The following GRID2 variants were observed in gnomAD, a reference collection of about 807,000 sequenced individuals.
GRID2 encodes glutamate ionotropic receptor delta type subunit 2.
Under a neutral mutation model 114.8 loss-of-function variants are expected in GRID2, and 33 were observed. That is an observed-to-expected ratio of 0.29 (90% CI 0.22 to 0.38). GRID2 has a LOEUF of 0.38. Ranked by LOEUF, GRID2 falls within the 10% of genes least tolerant of loss-of-function variation. The pLI, the probability that GRID2 is intolerant of heterozygous loss-of-function variation, is 1.00. For synonymous variants in GRID2, 505 were observed against 449.9 expected, an observed-to-expected ratio of 1.12 and a Z score of -1.55; for missense variants, 1,184 against 1,257.7, an observed-to-expected ratio of 0.94 and a Z score of 0.89.
At chr4:92,772,137 C>T (rs545515104) in intron 2 of GRID2, among the ~76,000 whole-genome samples, 2 of 152,234 alleles carry the variant, frequency 1.3e-5, no homozygotes, top group Admixed American at 1.3e-4. Context: ...TTTTCCAAAT[C>T]ATCTTTAATT....
intron 4 of GRID2, among the ~76,000 whole-genome samples, chr4:93,154,783 C>T (rs1012664269): frequency 1.6e-4 from 25 of 151,784 alleles, no homozygotes; most frequent in African/African-American, 5.8e-4. Context: ...ACACCACCAC[C>T]ACCACCACCA....
chr4:92,383,777 C>T (rs1729732008), intron 1 of GRID2, among the ~76,000 whole-genome samples: 3 of 151,786 alleles, frequency 2.0e-5, no homozygotes, highest in South Asian at 4.2e-4. Context: ...ATATAATATT[C>T]AATAGTCAAC....
At chr4:93,406,437 T>A (rs1223260841) in intron 9 of GRID2, among the ~76,000 whole-genome samples, 1 of 152,134 alleles carries the variant, frequency 6.6e-6, no homozygotes, top group East Asian at 1.9e-4. Context: ...TTATCTCATT[T>A]TTGAGATATG....
chr4:93,502,577 T>A (rs1271875705), intron 12 of GRID2, among the ~76,000 whole-genome samples: 2 of 151,964 alleles, frequency 1.3e-5, no homozygotes, highest in African/African-American at 4.8e-5. Context: ...CCAGTGATGT[T>A]GGTATGCTGC....
intron 1 of GRID2, among the ~76,000 whole-genome samples, chr4:92,420,142 G>A (rs1486396716): frequency 6.6e-6 from 1 of 152,102 alleles, no homozygotes; most frequent in Non-Finnish European, 1.5e-5. Context: ...TTTCCCTTTG[G>A]AGAATTCTGC....
chr4:93,402,032 A>G (rs182447436), intron 9 of GRID2, among the ~76,000 whole-genome samples: 1 of 152,174 alleles, frequency 6.6e-6, no homozygotes, highest in East Asian at 1.9e-4. Flanking sequence ...ATTTATATAC[A>G]TCAGCATGAA....
rs4693310 is a variant in GRID2 at position 93,247,376 on chromosome 4, G to A, written c.1245+8886G>A. On this transcript the variant is annotated intron_variant, in intron 8 of 15. Transcript: ENST00000282020. ...TGGGTAAAGATTACCTCACCCATAC[G>A]GATAGGCATCATCCAATCTGTTGGG... Among the ~76,000 whole-genome samples the A allele has an allele frequency of 7.0e-3, 1,064 of 152,140 alleles. 45 individuals are homozygous for A. The highest frequency in any genetic ancestry group is 0.053 in the Admixed American group (807 of 15,244).
intron 2 of GRID2, 78 bp downstream of exon 2, chr4:92,590,364 AACATGG>A (rs1728651639): frequency 1.0e-6 from 1 of 974,540 alleles, no homozygotes; most frequent in Non-Finnish European, 1.6e-6. Flanking sequence ...AAACTTATTA[AACATGG>A]ACATCATTTT....
chr4:92,818,109 T>G (rs1054300112), intron 2 of GRID2, among the ~76,000 whole-genome samples: 1 of 152,176 alleles, frequency 6.6e-6, no homozygotes, highest in Non-Finnish European at 1.5e-5. Flanking sequence ...CCACAACTGT[T>G]TCTGTTATCT....
At chr4:93,143,584 T>C (rs759414186) in intron 4 of GRID2, among the ~76,000 whole-genome samples, 7 of 152,214 alleles carry the variant, frequency 4.6e-5, no homozygotes, top group Non-Finnish European at 1.0e-4. Context: ...TGGTATAAGA[T>C]TGATTATTAC....
At position 93,224,657 on chromosome 4, in the gene GRID2, A is replaced by C; in HGVS notation, c.1007A>C (p.Asn336Thr). 6.2e-7 allele frequency: 1 copy of C among 1,611,578 alleles called. No individual in the cohort carries two copies. Among genetic ancestry groups the C allele is most frequent in the Non-Finnish European group, 8.5e-7 (1 of 1,178,048 alleles). Residue 336 changes from asparagine to threonine, a missense_variant, in exon 7 of 16, where the codon AAT becomes ACT. This residue lies in a region of GRID2 where 455 missense variants were observed against 429.5 expected (regional missense o/e 1.06). Transcript: ENST00000282020. ...TATGACACGGTGCTTCTGCTTGCTA[A>C]TGCTTTTCATAAGAAGCTGGAGGAC... The part of the protein sequence containing the change: ...YIYDTVLLLA[N>T]AFHKKLEDRK...
At chr4:93,525,545 C>T (rs534125460) in intron 13 of GRID2, among the ~76,000 whole-genome samples, 2 of 152,154 alleles carry the variant, frequency 1.3e-5, no homozygotes, top group South Asian at 4.2e-4. Context: ...ATCAGTTTCT[C>T]GATTGTGAAG....
At position 92,847,432 on chromosome 4, in the gene GRID2, C is replaced by A. The variant is rs149370713; in HGVS notation, c.245-237563C>A. Among the ~76,000 whole-genome samples, 444 of 152,152 alleles carry A rather than the reference C, an allele frequency of 2.9e-3. 1 individual carries two copies. The highest frequency in any genetic ancestry group is 0.01 in the African/African-American group (429 of 41,542). On this transcript the variant is annotated intron_variant, in intron 2 of 15. Coordinates refer to ENST00000282020, the MANE Select transcript of GRID2 (RefSeq NM_001510.4). ...AGCTGCTACATGATTTAAGTTATATCTCGCTGGCCTCTCTATCACTGTCTT... is the reference window on the plus strand; with the variant it reads ...AGCTGCTACATGATTTAAGTTATATATCGCTGGCCTCTCTATCACTGTCTT...
intron 1 of GRID2, among the ~76,000 whole-genome samples, chr4:92,442,775 T>A (rs1733182524): frequency 8.6e-5 from 13 of 152,042 alleles, no homozygotes; most frequent in Admixed American, 8.5e-4. Context: ...TTATATTTGA[T>A]GAAAAAGAGC....
At chr4:92,996,532 A>G (rs894836904) in intron 2 of GRID2, among the ~76,000 whole-genome samples, 1 of 152,120 alleles carries the variant, frequency 6.6e-6, no homozygotes, top group South Asian at 2.1e-4. Flanking sequence ...CCTTAACACT[A>G]CAGTGTACAT....
At chr4:93,742,042 A>G (rs976080302) in intron 14 of GRID2, among the ~76,000 whole-genome samples, 1 of 152,192 alleles carries the variant, frequency 6.6e-6, no homozygotes, top group African/African-American at 2.4e-5. Context: ...AAATAGAGCA[A>G]GGGAAATGTG....
chr4:92,964,445 G>C (rs1753009374), intron 2 of GRID2, among the ~76,000 whole-genome samples: 3 of 151,970 alleles, frequency 2.0e-5, no homozygotes, highest in Admixed American at 2.0e-4. Context: ...GGGGGTTAAA[G>C]CCTAGATGAC....
chr4:93,238,595 G>A, intron 8 of GRID2, 105 bp downstream of exon 8: 1 of 837,050 alleles, frequency 1.2e-6, no homozygotes, highest in Non-Finnish European at 1.8e-6. Context: ...CAATATTGTA[G>A]TGTGAAAGAG....
chr4:92,465,854 G>A (rs2149091456), intron 1 of GRID2, among the ~76,000 whole-genome samples: 2 of 152,034 alleles, frequency 1.3e-5, no homozygotes, highest in East Asian at 3.9e-4. Flanking sequence ...CTGACTTATA[G>A]ATGTGGTAAT....
Sources: allele counts gnomAD v4.1 joint callset (sites outside exome capture counted in the v4.1 genomes callset), GRCh38; gene constraint gnomAD v4.1.1; regional missense constraint gnomAD v4.1.1; transcripts MANE v1.5; gene names NCBI Gene and HGNC (gene_info 2026-07-23, HGNC 2026-07-21).